Variants in ATP10B observed in about 807,000 individuals in gnomAD.
ATP10B encodes ATPase phospholipid transporting 10B (putative).
ATP10B carries 122 observed loss-of-function variants against 141.2 expected under a neutral mutation model. That is an observed-to-expected ratio of 0.86 (90% confidence interval 0.75 to 1.00). The LOEUF is 1.00. ATP10B is among the 50% of genes least tolerant of loss of function. The pLI is 0.00. For missense variants in ATP10B, 1,876 were observed against 1,825.3 expected (o/e 1.03, Z -0.51); for synonymous variants, 685 against 692.0 (o/e 0.99, Z 0.16).
intron 10 of ATP10B, 118 bp downstream of exon 10, chr5:160,640,343 A>G: frequency 1.7e-6 from 2 of 1,155,888 alleles, no homozygotes; most frequent in Non-Finnish European, 2.4e-6. Context: ...GCATCCCGTT[A>G]AAGTGGGCAG....
intron 2 of ATP10B, among the ~76,000 whole-genome samples, chr5:160,737,882 C>A (rs1483602377): frequency 2.0e-5 from 3 of 152,030 alleles, no homozygotes; most frequent in African/African-American, 2.4e-5. Flanking sequence ...ATATTTAATA[C>A]CTTTCAGCAA....
intron 2 of ATP10B, among the ~76,000 whole-genome samples, chr5:160,724,126 G>T (rs1472379697): frequency 3.9e-5 from 6 of 152,138 alleles, no homozygotes; most frequent in Non-Finnish European, 8.8e-5. Flanking sequence ...GCCTATCGGA[G>T]GGTGGAGGAT....
chr5:160,733,692 CATAT>C (rs33952685), intron 2 of ATP10B, among the ~76,000 whole-genome samples: 66,751 of 137,692 alleles, frequency 0.48, 15,002 homozygotes, highest in South Asian at 0.54. Flanking sequence ...TACACACACA[CATAT>C]ATATATATAT....
At chr5:160,652,872 ATATAATATATATATAAT>A (rs1275908742) in intron 7 of ATP10B, among the ~76,000 whole-genome samples, 1 of 97,292 alleles carries the variant, frequency 1.0e-5, no homozygotes, top group Non-Finnish European at 1.9e-5. Flanking sequence ...TATATAATAT[ATATAATATATATATAAT>A]TATATAATAT....
chr5:160,769,134 G>T (rs1769693343), intron 2 of ATP10B, among the ~76,000 whole-genome samples: 1 of 151,992 alleles, frequency 6.6e-6, no homozygotes, highest in Non-Finnish European at 1.5e-5. Flanking sequence ...CCATATAGGG[G>T]TATTTGTTTA....
intron 7 of ATP10B, among the ~76,000 whole-genome samples, chr5:160,664,856 T>G (rs1286267215): frequency 6.6e-6 from 1 of 152,256 alleles, no homozygotes; most frequent in African/African-American, 2.4e-5. Context: ...TTCTTTGGCT[T>G]AGATAACTGT....
chr5:160,783,209 A>T (rs1331859844), intron 2 of ATP10B, among the ~76,000 whole-genome samples: 1 of 151,488 alleles, frequency 6.6e-6, no homozygotes, highest in Non-Finnish European at 1.5e-5. Context: ...CCATTGTATC[A>T]TTCTTATGCC....
intron 6 of ATP10B, 128 bp downstream of exon 6, chr5:160,685,951 C>A (rs538488013): frequency 3.7e-6 from 3 of 810,922 alleles, no homozygotes; most frequent in Admixed American, 3.5e-5. Context: ...AAATCACCCC[C>A]CCTTGAGAAT....
At chr5:160,897,216 T>G in the ATP10B span, among the ~76,000 whole-genome samples, 1 of 152,150 alleles carries the variant, frequency 6.6e-6, no homozygotes, top group Non-Finnish European at 1.5e-5. Flanking sequence ...GAGAAAGAAA[T>G]AAAGCATATT....
chr5:160,692,717 C>T (rs538142364), intron 3 of ATP10B: 1 of 152,346 alleles, frequency 6.6e-6, no homozygotes, highest in East Asian at 1.9e-4. Context: ...GTTTCTTCAT[C>T]TGTCTGTCCT....
At chr5:160,859,808 TC>T in the ATP10B span, among the ~76,000 whole-genome samples, 6 of 151,840 alleles carry the variant, frequency 4.0e-5, no homozygotes, top group African/African-American at 1.4e-4. Context: ...TGTAATATAT[TC>T]TAATTGAGAA....
chr5:160,851,494 G>A (rs1242412082), intron 1 of ATP10B, among the ~76,000 whole-genome samples: 1 of 152,104 alleles, frequency 6.6e-6, no homozygotes, highest in Admixed American at 6.6e-5. Context: ...GAAAACTACT[G>A]CAATATGGCA....
At chr5:160,723,548 T>C (rs1766118505) in intron 2 of ATP10B, among the ~76,000 whole-genome samples, 1 of 152,234 alleles carries the variant, frequency 6.6e-6, no homozygotes, top group South Asian at 2.1e-4. Flanking sequence ...GGAGTAAGCA[T>C]AATTTGTCCC....
At chr5:160,784,645 G>A (rs982794003) in intron 2 of ATP10B, among the ~76,000 whole-genome samples, 28 of 152,174 alleles carry the variant, frequency 1.8e-4, no homozygotes, top group African/African-American at 6.5e-4. Context: ...ATAATGCCTT[G>A]GGTTTTATAT....
At chr5:160,642,807 T>G (rs976004809) in intron 9 of ATP10B, among the ~76,000 whole-genome samples, 2 of 152,246 alleles carry the variant, frequency 1.3e-5, no homozygotes, top group African/African-American at 4.8e-5. Flanking sequence ...CCTCTTGCAC[T>G]GAAAGTTCAA....
At chr5:160,911,048 CACAA>C in the ATP10B span, among the ~76,000 whole-genome samples, 314 of 152,336 alleles carry the variant, frequency 2.1e-3, 4 homozygotes, top group African/African-American at 7.2e-3. Flanking sequence ...TTCATAGCAA[CACAA>C]ACAAACAAGG....
intron 22 of ATP10B, among the ~76,000 whole-genome samples, chr5:160,594,138 G>A (rs1396386310): frequency 6.6e-6 from 1 of 152,300 alleles, no homozygotes; most frequent in African/African-American, 2.4e-5. Context: ...CAGCCAGAGA[G>A]AAAGGTCAGG....
chr5:160,796,741 C>T (rs931805991), intron 1 of ATP10B, among the ~76,000 whole-genome samples: 2 of 152,124 alleles, frequency 1.3e-5, no homozygotes, highest in African/African-American at 4.8e-5. Context: ...CTATTATAGA[C>T]TCTTATGGGA....
chr5:160,823,005 T>C lies in ATP10B; in HGVS notation c.-576+28936A>G, dbSNP rs1372342660. On this transcript the variant is annotated intron_variant, in intron 1 of 25. Coordinates refer to ENST00000327245, the MANE Select transcript of ATP10B (RefSeq NM_025153.3). ...TTACATATACATATATATATACATA[T>C]ATATATATATATATATATATATATA... Among the ~76,000 whole-genome samples the C allele has an allele frequency of 1.1e-4, 11 of 101,428 alleles. 1 individual carries two copies. Among genetic ancestry groups the C allele is most frequent in the African/African-American group, 4.4e-4 (11 of 24,908 alleles). 66.5% of individuals were successfully genotyped at this position (101,428 alleles called of 152,430 possible). A position where few individuals can be genotyped will look rare whatever the true frequency, so the allele number is the denominator to read the frequency against.
Sources: gnomAD v4.1 joint callset for allele counts (sites outside exome capture counted in the v4.1 genomes callset) on GRCh38, gnomAD v4.1.1 for gene constraint, MANE v1.5 for transcripts, NCBI Gene and HGNC (gene_info 2026-07-23, HGNC 2026-07-21) for gene names.